The following EBPL variants were observed in gnomAD, a reference collection of about 807,000 sequenced individuals.
EBPL encodes EBP like.
Under a neutral mutation model 19.0 loss-of-function variants are expected in EBPL, and 20 were observed. That is an observed-to-expected ratio of 1.05 (90% CI 0.74 to 1.53). EBPL has a LOEUF of 1.53. Ranked by LOEUF, EBPL falls within the 40% of genes most tolerant of loss-of-function variation. The pLI is 0.00. For synonymous variants in EBPL, 107 were observed against 117.0 expected, an observed-to-expected ratio of 0.91 and a Z score of 0.55; for missense variants, 219 against 261.1, an observed-to-expected ratio of 0.84 and a Z score of 1.11.
chr13:49,686,004 C>A (rs1362106116), intron 1 of EBPL, among the ~76,000 whole-genome samples: 1 of 152,162 alleles, frequency 6.6e-6, no homozygotes, highest in Non-Finnish European at 1.5e-5. Flanking sequence ...CAAGATTTCT[C>A]AACGAAAAAC....
intron 2 of EBPL, among the ~76,000 whole-genome samples, chr13:49,663,593 G>A (rs112129201): frequency 6.6e-6 from 1 of 152,172 alleles, no homozygotes; most frequent in African/African-American, 2.4e-5. Flanking sequence ...TATAAATTCT[G>A]TAAGTATAAT....
At position 49,663,145 on chromosome 13, in the gene EBPL, T is replaced by C. The variant is rs1965173828; in HGVS notation, c.292A>G (p.Ile98Val). The stretch of plus-strand genomic sequence containing the variant: ...ACGGTCAGAATTTCCACAGACACAA[T>C]GGTTGGATCAAAATAAACCCATCTT... The part of the protein sequence containing the change: ...DARWVYFDPT[I>V]VSVEILTVAL... The change falls in exon 3 of 4, where the codon ATT becomes GTT. Residue 98 changes from isoleucine (I) to valine (V), a missense_variant. Physicochemically the swap from Ile to Val is conservative, Grantham distance 29 (BLOSUM62 3). Coordinates refer to ENST00000242827, the MANE Select transcript of EBPL (RefSeq NM_032565.5). 6.2e-7 allele frequency: 1 copy of C among 1,614,182 alleles called. No homozygotes were observed. Among genetic ancestry groups the C allele is most frequent in the Non-Finnish European group, 8.5e-7 (1 of 1,180,038 alleles).
intron 1 of EBPL, among the ~76,000 whole-genome samples, chr13:49,681,696 T>A (rs1450579853): frequency 6.6e-6 from 1 of 152,246 alleles, no homozygotes; most frequent in Non-Finnish European, 1.5e-5. Flanking sequence ...TTTCCATTGA[T>A]AATATCCAAT....
chr13:49,691,297 G>A lies in EBPL; in HGVS notation c.128C>T (p.Ala43Val). 1 of 1,381,344 alleles carries A rather than the reference G, an allele frequency of 7.2e-7. No individual in the cohort carries two copies. The highest frequency in any genetic ancestry group is 1.9e-5 in the South Asian group (1 of 53,794). 85.6% of individuals were successfully genotyped at this position (1,381,344 alleles called of 1,614,324 possible). ...CGCGTCGTAGCAGAGCCAGATGAGC[G>A]CCCCGCGGTCCGCCGCCCCCTGCCC... ...GRGQGAADRG[A>V]LIWLCYDALV... Residue 43 changes from alanine to valine, a missense_variant, in exon 1 of 4, where the codon GCG becomes GTG. Ala to Val is a moderately conservative substitution (Grantham distance 64). This residue lies in a region of EBPL where 170 missense variants were observed against 167.0 expected (regional missense o/e 1.02). Transcript: ENST00000242827.
chr13:49,686,470 C>T (rs1342516160), intron 1 of EBPL: 6 of 1,286,192 alleles, frequency 4.7e-6, no homozygotes, highest in Non-Finnish European at 6.1e-6. Context: ...TGCCAGGTGC[C>T]TCACCTTTTA....
intron 1 of EBPL, among the ~76,000 whole-genome samples, chr13:49,685,110 G>A (rs1194561830): frequency 1.3e-5 from 2 of 152,092 alleles, no homozygotes; most frequent in Non-Finnish European, 2.9e-5. Flanking sequence ...GAATTTAAAA[G>A]TACATCTGGA....
intron 1 of EBPL, among the ~76,000 whole-genome samples, chr13:49,673,538 G>C (rs1953841196): frequency 1.3e-5 from 2 of 152,146 alleles, no homozygotes; most frequent in Admixed American, 6.5e-5. Flanking sequence ...CCCATGTTAA[G>C]GGATTCTCTT....
intron 1 of EBPL, among the ~76,000 whole-genome samples, chr13:49,679,441 G>T (rs1953918397): frequency 6.6e-6 from 1 of 152,208 alleles, no homozygotes; most frequent in African/African-American, 2.4e-5. Flanking sequence ...CTGTAATTGG[G>T]AAGGCAGGGC....
rs1965172841 is a variant in EBPL at position 49,663,105 on chromosome 13, G to GACCC, written c.328_331dup (p.Ser111TrpfsTer64). The stretch of plus-strand genomic sequence containing the variant: ...GGCATAAATGAGGAACAATGCCAGA[G>GACCC]ACCCATCCAGGGCGACGGTCAGAAT... On this transcript the variant is annotated frameshift_variant, in exon 3 of 4. Transcript: ENST00000242827. LOFTEE classifies it high-confidence loss of function. 6.2e-7 allele frequency: 1 copy of GACCC among 1,614,070 alleles called. No individual in the cohort carries two copies.
chr13:49,669,996 G>A, intron 1 of EBPL, 150 bp from the exon 2 acceptor site: 1 of 646,918 alleles, frequency 1.5e-6, no homozygotes, highest in South Asian at 1.9e-5. Context: ...ACAACCTTGT[G>A]GGATACAATC....
chr13:49,660,874 T>C lies in EBPL; in HGVS notation c.*94A>G, dbSNP rs1965134119. On this transcript the variant is annotated 3_prime_UTR_variant, in exon 4 of 4. Coordinates refer to ENST00000242827, the MANE Select transcript of EBPL (RefSeq NM_032565.5). The stretch of plus-strand genomic sequence containing the variant: ...CAGGAGCAACAATACAAAAACAAAG[T>C]GTAGACTGGAATGTATTACATTTTG... 1 of 1,123,728 alleles carries C rather than the reference T, an allele frequency of 8.9e-7. No homozygotes were observed. Among genetic ancestry groups the C allele is most frequent in the South Asian group, 1.5e-5 (1 of 64,916 alleles). 69.6% of individuals were successfully genotyped at this position (1,123,728 alleles called of 1,614,324 possible).
At chr13:49,662,687 C>T (rs1011664288) in intron 3 of EBPL, among the ~76,000 whole-genome samples, 2 of 151,858 alleles carry the variant, frequency 1.3e-5, no homozygotes, top group Admixed American at 1.3e-4. Context: ...GGTTGGAGTG[C>T]AGTGGCGTGA....
At chr13:49,663,798 A>G (rs968956141) in intron 2 of EBPL, among the ~76,000 whole-genome samples, 2 of 151,918 alleles carry the variant, frequency 1.3e-5, no homozygotes, top group South Asian at 4.1e-4. Flanking sequence ...TTAGCCAGGC[A>G]TGGTGGCGGG....
At chr13:49,676,289 C>T (rs1348318875) in intron 1 of EBPL, among the ~76,000 whole-genome samples, 1 of 152,168 alleles carries the variant, frequency 6.6e-6, no homozygotes, top group Non-Finnish European at 1.5e-5. Context: ...ACCTCCTCTT[C>T]GGTCTTTAAA....
chr13:49,668,475 G>GAGGCAGGAGAATGGCGTGA (rs1435224434), intron 2 of EBPL: 1 of 246,386 alleles, frequency 4.1e-6, no homozygotes, highest in East Asian at 1.6e-4. Context: ...TCGGGAGGCT[G>GAGGCAGGAGAATGGCGTGA]AGGCAGGAGA....
chr13:49,661,777 C>T, intron 3 of EBPL: 1 of 1,507,760 alleles, frequency 6.6e-7, no homozygotes. Context: ...TTATTGCCAA[C>T]TATCTCTCTA....
At chr13:49,662,723 C>CCTA (rs1356006119) in intron 3 of EBPL, among the ~76,000 whole-genome samples, 1 of 151,970 alleles carries the variant, frequency 6.6e-6, no homozygotes, top group Non-Finnish European at 1.5e-5. Flanking sequence ...GCCTTGACCT[C>CCTA]CTAAGCCCAA....
At chr13:49,678,205 C>T (rs1341544826) in intron 1 of EBPL, among the ~76,000 whole-genome samples, 2 of 152,222 alleles carry the variant, frequency 1.3e-5, no homozygotes, top group Non-Finnish European at 2.9e-5. Flanking sequence ...AGTACATTTA[C>T]AATCCTTTAG....
intron 2 of EBPL, among the ~76,000 whole-genome samples, chr13:49,667,160 C>CTCCCTCTGGCAG (rs1295399009): frequency 6.6e-6 from 1 of 152,186 alleles, no homozygotes; most frequent in African/African-American, 2.4e-5. Context: ...CCTGTGGCAT[C>CTCCCTCTGGCAG]TCCCTCTGGC....
Sources: allele counts gnomAD v4.1 joint callset (sites outside exome capture counted in the v4.1 genomes callset), GRCh38; gene constraint gnomAD v4.1.1; regional missense constraint gnomAD v4.1.1; transcripts MANE v1.5; gene names NCBI Gene and HGNC (gene_info 2026-07-23, HGNC 2026-07-21).